The following MYO9B variants were observed in gnomAD, a reference collection of about 807,000 sequenced individuals.
MYO9B encodes unconventional myosin-IXb.
A neutral mutation model predicts 229.5 loss-of-function variants in MYO9B; 71 were observed. The ratio of observed to expected loss-of-function variants is 0.31; its 90% CI spans 0.26 to 0.38. The LOEUF (loss-of-function observed/expected upper bound fraction) is 0.38. Ranked by LOEUF, MYO9B falls within the 10% of genes least tolerant of loss-of-function variation. The probability of loss-of-function intolerance (pLI) is 1.00; values close to 1 mark genes in which losing one functional copy is unlikely to be tolerated. For missense variants in MYO9B, 2,255 were observed against 2,920.5 expected, an observed-to-expected ratio of 0.77 and a Z score of 5.25; for synonymous variants, 1,185 against 1,235.8, an observed-to-expected ratio of 0.96 and a Z score of 0.86.
At chr19:17,096,300 C>T (rs1364426168) in intron 1 of MYO9B, among the ~76,000 whole-genome samples, 1 of 152,134 alleles carries the variant, frequency 6.6e-6, no homozygotes, top group Admixed American at 6.6e-5. Context: ...TGAGTAACTC[C>T]TGAGAGGGGA....
chr19:17,164,528 A>G (rs2072638685), intron 10 of MYO9B, among the ~76,000 whole-genome samples: 1 of 151,942 alleles, frequency 6.6e-6, no homozygotes, highest in African/African-American at 2.4e-5. Context: ...CTACAGGTGC[A>G]TGCCACCATG....
intron 27 of MYO9B, 29 bp downstream of exon 27, chr19:17,202,053 C>T (rs2073111864): frequency 1.2e-6 from 2 of 1,611,648 alleles, no homozygotes; most frequent in African/African-American, 2.7e-5. Flanking sequence ...TTCAGCCTTT[C>T]CCATACCCTG....
chr19:17,203,297 T>G (rs555396200), intron 30 of MYO9B, 39 bp downstream of exon 30: 216 of 1,456,008 alleles, frequency 1.5e-4, no homozygotes, highest in Admixed American at 9.2e-4. Context: ...ACCCTCCATG[T>G]CCCCCACCAC....
chr19:17,130,451 A>G (rs1197414562), intron 2 of MYO9B, among the ~76,000 whole-genome samples: 1 of 152,036 alleles, frequency 6.6e-6, no homozygotes, highest in African/African-American at 2.4e-5. Context: ...CCCTGTCTCT[A>G]CTAAAAAAAA....
At chr19:17,205,762 C>G (rs1334985917) in intron 31 of MYO9B, among the ~76,000 whole-genome samples, 198 bp from the exon 32 acceptor site, 1 of 152,176 alleles carries the variant, frequency 6.6e-6, no homozygotes, top group Non-Finnish European at 1.5e-5. Context: ...AAGGAAGCCC[C>G]TGCCCAGTGG....
In MYO9B at chr19:17,207,203, G is replaced by A. The variant is rs79829421; in HGVS notation, c.5583G>A (p.Ser1861=). 41,270 of 1,601,516 alleles carry A rather than the reference G, an allele frequency of 0.026. 663 individuals are homozygous for A. Among genetic ancestry groups the A allele is most frequent in the Non-Finnish European group, 0.03 (35,635 of 1,175,112 alleles). ...GCCTCCTGCGCTGCCCTGACAACTC[G>A]GACCCGCTGACCAGCATGAAGGACG... The part of the protein sequence containing the change: ...APCLLRCPDN[S]DPLTSMKDVL... The change falls in exon 35 of 40, where the codon TCG becomes TCA. Residue 1861 remains serine, a synonymous_variant. Coordinates refer to ENST00000682292, the MANE Select transcript of MYO9B (RefSeq NM_004145.4).
At chr19:17,154,162 C>G (rs2072512325) in intron 5 of MYO9B, 96 bp downstream of exon 5, 4 of 1,347,936 alleles carry the variant, frequency 3.0e-6, no homozygotes, top group Non-Finnish European at 4.2e-6. Flanking sequence ...CCTGCCCTGG[C>G]CCCCGAACCC....
At chr19:17,094,716 C>A (rs552711850) in intron 1 of MYO9B, among the ~76,000 whole-genome samples, 1 of 152,246 alleles carries the variant, frequency 6.6e-6, no homozygotes, top group East Asian at 1.9e-4. Flanking sequence ...CTGATACAGG[C>A]AGAATGCTTG....
intron 1 of MYO9B, among the ~76,000 whole-genome samples, chr19:17,096,118 A>G (rs900668336): frequency 1.3e-5 from 2 of 152,078 alleles, no homozygotes; most frequent in Admixed American, 6.5e-5. Flanking sequence ...TTGGTTTCCT[A>G]TCACTGTGAG....
At chr19:17,201,623 G>A (rs773317974) in intron 26 of MYO9B, among the ~76,000 whole-genome samples, 87 of 152,238 alleles carry the variant, frequency 5.7e-4, no homozygotes, top group South Asian at 2.5e-3. Flanking sequence ...GGGACATTGG[G>A]GTTATCACAG....
At chr19:17,185,510 C>T (rs1267922715) in intron 17 of MYO9B, among the ~76,000 whole-genome samples, 2 of 150,690 alleles carry the variant, frequency 1.3e-5, no homozygotes, top group Non-Finnish European at 3.0e-5. Flanking sequence ...CACGCCATTG[C>T]ACTCCAGCTT....
Position 17,198,252 on chromosome 19 carries a change from C to A in MYO9B, c.4182C>A (p.Gly1394=), listed in dbSNP as rs754059377. Residue 1394 remains glycine, a synonymous_variant, in exon 24 of 40, where the codon GGC becomes GGA. Coordinates refer to ENST00000682292, the MANE Select transcript of MYO9B (RefSeq NM_004145.4). ...CAGCTGTCCAGAAGAAGAAGCCAGG[C>A]GACGCATCCTCCCTCCCAGACGCAG... ...KKPAVQKKKP[G]DASSLPDAGL... is the part of the protein sequence containing the mutation. The A allele has an allele frequency of 2.5e-6, 4 of 1,613,764 alleles. No individual in the cohort carries two copies. In the East Asian group the frequency reaches 6.7e-5, roughly 27 times the overall value.
At chr19:17,168,708 G>T (rs1041091881) in intron 11 of MYO9B, among the ~76,000 whole-genome samples, 2 of 152,018 alleles carry the variant, frequency 1.3e-5, no homozygotes, top group Admixed American at 1.3e-4. Context: ...GAGACAGGAG[G>T]ATCACTTGAG....
chr19:17,088,280 A>C (rs780766972), intron 1 of MYO9B, among the ~76,000 whole-genome samples: 4 of 152,072 alleles, frequency 2.6e-5, no homozygotes, highest in Non-Finnish European at 5.9e-5. Context: ...TTTTCCTTTT[A>C]TAAGGACGCC....
Position 17,211,919 on chromosome 19 carries a change from G to A in MYO9B, c.6083G>A (p.Cys2028Tyr). The change falls in exon 40 of 40, where the codon TGC becomes TAC. Residue 2028 changes from cysteine (C) to tyrosine (Y), a missense_variant. Cys to Tyr is a radical substitution (Grantham distance 194). Transcript: ENST00000682292. Reference sequence around the variant, plus strand: ...GGGCCCCCTGCGCCTGCTCTCCCTTGCCCCGGCGCGCCCACCCCGAGCCCC... The same window carrying A: ...GGGCCCCCTGCGCCTGCTCTCCCTTACCCCGGCGCGCCCACCCCGAGCCCC... The part of the protein sequence containing the change: ...SEGPPAPALP[C>Y]PGAPTPSPLP... The A allele has an allele frequency of 6.4e-7, 1 of 1,574,286 alleles. No individual in the cohort carries two copies. The highest frequency in any genetic ancestry group is 8.6e-7 in the Non-Finnish European group (1 of 1,160,038).
At position 17,191,675 on chromosome 19, in the gene MYO9B, G is replaced by T. The variant is rs191689172; in HGVS notation, c.2811+456G>T. On this transcript the variant is annotated intron_variant, in intron 20 of 39. Coordinates refer to ENST00000682292, the MANE Select transcript of MYO9B (RefSeq NM_004145.4). ...TCAGTCCCCCTGAAGGCCTCACCTG[G>T]TGTAAAAAATTCCCTTCCAGCCAAG... Among the ~76,000 whole-genome samples, 16 of 152,272 alleles carry T rather than the reference G, an allele frequency of 1.1e-4. No individual in the cohort carries two copies. In the East Asian group the frequency reaches 2.9e-3, roughly 28 times the overall value.
chr19:17,149,347 C>A (rs1488308278), intron 3 of MYO9B, among the ~76,000 whole-genome samples: 1 of 152,102 alleles, frequency 6.6e-6, no homozygotes, highest in Non-Finnish European at 1.5e-5. Context: ...ACCATTGGAC[C>A]AGACACCAGA....
intron 14 of MYO9B, among the ~76,000 whole-genome samples, chr19:17,178,805 G>A (rs1305675223): frequency 6.6e-6 from 1 of 152,012 alleles, no homozygotes; most frequent in African/African-American, 2.4e-5. Flanking sequence ...AGGCATACGT[G>A]GGCAGGTCAC....
At chr19:17,099,818 A>T (rs1402811293) in intron 1 of MYO9B, among the ~76,000 whole-genome samples, 1 of 42,594 alleles carries the variant, frequency 2.3e-5, no homozygotes. Context: ...ACTGTCTTAA[A>T]AAAAAAAAAA....
Sources: allele counts gnomAD v4.1 joint callset (sites outside exome capture counted in the v4.1 genomes callset), GRCh38; gene constraint gnomAD v4.1.1; transcripts MANE v1.5; gene names NCBI Gene and HGNC (gene_info 2026-07-23, HGNC 2026-07-21).